The following MYOCD variants were observed in gnomAD, a reference collection of about 807,000 sequenced individuals.
MYOCD encodes myocardin.
Under a neutral mutation model 96.1 loss-of-function variants are expected in MYOCD, and 32 were observed. The ratio of observed to expected loss-of-function variants is 0.33; its 90% CI spans 0.25 to 0.45. The LOEUF is 0.45. Ranked by LOEUF, MYOCD falls within the 20% of genes least tolerant of loss-of-function variation. MYOCD has a pLI of 1.00. For missense variants in MYOCD, 1,133 were observed against 1,200.6 expected (o/e 0.94, Z 0.83); for synonymous variants, 469 against 469.0 (o/e 1.00, Z 0.00).
At chr17:12,733,734 G>C (rs1259184363) in intron 5 of MYOCD, among the ~76,000 whole-genome samples, 4 of 152,086 alleles carry the variant, frequency 2.6e-5, no homozygotes, top group Non-Finnish European at 5.9e-5. Context: ...GGGCATGGTG[G>C]CGCATGCCTG....
At chr17:12,751,179 G>T (rs533484349) in intron 9 of MYOCD, among the ~76,000 whole-genome samples, 1 of 151,900 alleles carries the variant, frequency 6.6e-6, no homozygotes, top group South Asian at 2.1e-4. Flanking sequence ...AACGTAATAC[G>T]TTTATGTGGC....
chr17:12,758,112 G>T lies in MYOCD; in HGVS notation c.2230G>T (p.Val744Leu). Residue 744 changes from valine (V) to leucine (L), a missense_variant, in exon 12 of 14, where the codon GTG (valine) becomes TTG (leucine). Val to Leu is a conservative substitution (Grantham distance 32, BLOSUM62 1). Coordinates refer to ENST00000425538, the MANE Select transcript of MYOCD (RefSeq NM_001146312.3). ...KMAGLHSSDK[V>L]GPKFSIPSPT... ...GGCTGGTTTACACTCTTCTGATAAG[G>T]TGGGGCCAAAGTTTTCAATTCCATC... 6.2e-7 allele frequency: 1 copy of T among 1,614,008 alleles called. No individual in the cohort carries two copies. The highest frequency in any genetic ancestry group is 8.5e-7 in the Non-Finnish European group (1 of 1,179,960).
At chr17:12,677,571 G>T (rs1910152464) in intron 1 of MYOCD, among the ~76,000 whole-genome samples, 1 of 151,784 alleles carries the variant, frequency 6.6e-6, no homozygotes, top group Non-Finnish European at 1.5e-5. Flanking sequence ...AATTAGCCGG[G>T]CATGGTGGCG....
In MYOCD at chr17:12,749,715, A is replaced by ATATACACATATGTATATATATGTG. The variant is rs1555535143; in HGVS notation, c.1126-2696_1126-2695insACACATATGTATATATATGTGTAT. 4.2e-4 allele frequency among the ~76,000 whole-genome samples: 63 copies of ATATACACATATGTATATATATGTG among 148,360 alleles called. No homozygotes were observed. In the East Asian group the frequency reaches 5.5e-3, roughly 13 times the overall value. ...TATATATGTATACATATGTGTATAT[A>ATATACACATATGTATATATATGTG]TATGTGTGTGTGTATATATATATAT... On this transcript the variant is annotated intron_variant, in intron 9 of 13. Transcript: ENST00000425538.
intron 1 of MYOCD, among the ~76,000 whole-genome samples, chr17:12,682,344 G>T (rs1910519548): frequency 6.6e-6 from 1 of 152,204 alleles, no homozygotes; most frequent in African/African-American, 2.4e-5. Context: ...TTCCAGCTCT[G>T]GAGGAGACCA....
intron 10 of MYOCD, among the ~76,000 whole-genome samples, chr17:12,754,988 A>G (rs1213052694): frequency 6.6e-6 from 1 of 152,210 alleles, no homozygotes; most frequent in Non-Finnish European, 1.5e-5. Flanking sequence ...GCCCTATTCA[A>G]GTGGAATATC....
chr17:12,756,742 A>G (rs1409266173), intron 11 of MYOCD, among the ~76,000 whole-genome samples, 185 bp downstream of exon 11: 2 of 151,732 alleles, frequency 1.3e-5, no homozygotes, highest in East Asian at 1.9e-4. Context: ...AAAGAACAAT[A>G]TAGGTTAACA....
chr17:12,705,277 T>C (rs2031244858), intron 2 of MYOCD, 84 bp downstream of exon 2: 4 of 902,716 alleles, frequency 4.4e-6, no homozygotes, highest in South Asian at 1.5e-5. Context: ...GTCATTTAGT[T>C]TAAGCCAATG....
chr17:12,690,022 A>G (rs767233771), intron 1 of MYOCD, among the ~76,000 whole-genome samples: 25 of 152,218 alleles, frequency 1.6e-4, no homozygotes, highest in Admixed American at 1.3e-3. Flanking sequence ...ATAAAAGAAT[A>G]TTCTAAGGGA....
intron 5 of MYOCD, among the ~76,000 whole-genome samples, chr17:12,731,975 G>A (rs9916365): frequency 3.3e-5 from 5 of 152,202 alleles, no homozygotes; most frequent in African/African-American, 1.2e-4. Flanking sequence ...CCCTGAAAGA[G>A]TGGTGATTGA....
chr17:12,739,297 G>T lies in MYOCD; in HGVS notation c.686G>T (p.Ser229Ile), dbSNP rs756033145. Reference protein sequence around the residue: ...DAGKQGLGPPSTPIAVHAAVK... With the variant: ...DAGKQGLGPPITPIAVHAAVK... Reference sequence around the variant, plus strand: ...GGGAAGCAGGGGCTTGGCCCCCCCAGCACCCCCATAGCCGTGCATGCTGCT... The same window carrying T: ...GGGAAGCAGGGGCTTGGCCCCCCCATCACCCCCATAGCCGTGCATGCTGCT... The change falls in exon 7 of 14, where the codon AGC (serine) becomes ATC (isoleucine). Residue 229 changes from serine to isoleucine, a missense_variant. Transcript: ENST00000425538. 1.2e-6 allele frequency: 2 copies of T among 1,607,690 alleles called. No individual in the cohort carries two copies. The highest frequency in any genetic ancestry group is 3.4e-5 in the Admixed American group (2 of 58,752).
rs1469127932 is a variant in MYOCD, at chr17:12,763,709, A to G, written c.*65A>G. On this transcript the variant is annotated 3_prime_UTR_variant, in exon 14 of 14. Transcript: ENST00000425538. ...TCCATGGGGGAAAGCACACAGCCAT[A>G]CATACTTTACTGTCCAAAAACAGAA... is the stretch of plus-strand genomic sequence containing the variant. 1.5e-6 allele frequency: 2 copies of G among 1,342,232 alleles called. No homozygotes were observed. Among genetic ancestry groups the G allele is most frequent in the Non-Finnish European group, 1.0e-6 (1 of 977,270 alleles). 83.1% of individuals were successfully genotyped at this position (1,342,232 alleles called of 1,614,324 possible). A position where few individuals can be genotyped will look rare whatever the true frequency, so the allele number is the denominator to read the frequency against.
chr17:12,669,331 T>A (rs1456149996), intron 1 of MYOCD, among the ~76,000 whole-genome samples: 5 of 152,110 alleles, frequency 3.3e-5, no homozygotes. Context: ...AAAGAATCAT[T>A]GTGTTTCTTT....
At chr17:12,744,883 G>A (rs1429065718) in intron 8 of MYOCD, among the ~76,000 whole-genome samples, 2 of 152,180 alleles carry the variant, frequency 1.3e-5, no homozygotes, top group East Asian at 3.9e-4. Context: ...TATTGTACTG[G>A]ACACAACTAT....
chr17:12,684,447 G>A (rs1262961876), intron 1 of MYOCD, among the ~76,000 whole-genome samples: 1 of 152,246 alleles, frequency 6.6e-6, no homozygotes, highest in East Asian at 1.9e-4. Context: ...CTCCCAAATA[G>A]GAACCTTTTC....
intron 8 of MYOCD, 61 bp from the exon 9 acceptor site, chr17:12,745,858 A>T: frequency 6.4e-7 from 1 of 1,572,744 alleles, no homozygotes; most frequent in Non-Finnish European, 8.7e-7. Context: ...ATCCGATCTA[A>T]ATGCAAGTTA....
At chr17:12,747,587 CA>C (rs1263708326) in intron 9 of MYOCD, among the ~76,000 whole-genome samples, 1 of 151,092 alleles carries the variant, frequency 6.6e-6, no homozygotes, top group Non-Finnish European at 1.5e-5. Context: ...ATGAGATTGA[CA>C]AAGAACAAAA....
intron 2 of MYOCD, among the ~76,000 whole-genome samples, chr17:12,712,452 T>C (rs925149775): frequency 1.3e-5 from 2 of 152,140 alleles, no homozygotes; most frequent in African/African-American, 4.8e-5. Flanking sequence ...GTGAGGCCCC[T>C]GCCTTCAATG....
chr17:12,739,532 C>T (rs369716605), intron 7 of MYOCD, among the ~76,000 whole-genome samples: 14 of 152,182 alleles, frequency 9.2e-5, no homozygotes, highest in African/African-American at 2.9e-4. Flanking sequence ...TCACCTCTGC[C>T]ACGGAGAAGG....
Sources: gnomAD v4.1 joint callset for allele counts (sites outside exome capture counted in the v4.1 genomes callset) on GRCh38, gnomAD v4.1.1 for gene constraint, MANE v1.5 for transcripts, NCBI Gene and HGNC (gene_info 2026-07-23, HGNC 2026-07-21) for gene names.